The following HDAC4 variants were observed in gnomAD, a reference collection of about 807,000 sequenced individuals.
The protein encoded by HDAC4 is histone deacetylase 4.
In HDAC4, 16 loss-of-function variants were observed where a neutral mutation model predicts 135.1. That is an observed-to-expected ratio of 0.12 (90% CI 0.08 to 0.18). The LOEUF is 0.18. HDAC4 is among the 10% of genes least tolerant of loss of function. The probability of loss-of-function intolerance (pLI) is 1.00; values close to 1 mark genes in which losing one functional copy is unlikely to be tolerated. For missense variants in HDAC4, 1,143 were observed against 1,511.8 expected (o/e 0.76, Z 4.05); for synonymous variants, 685 against 653.4 (o/e 1.05, Z -0.74).
At chr2:239,266,252 G>A (rs1237603306) in intron 2 of HDAC4, among the ~76,000 whole-genome samples, 3 of 152,188 alleles carry the variant, frequency 2.0e-5, no homozygotes, top group Non-Finnish European at 4.4e-5. Context: ...TAGCAGAGCC[G>A]CTAGGTGGGA....
intron 3 of HDAC4, among the ~76,000 whole-genome samples, chr2:239,222,680 C>A (rs1275089585): frequency 2.0e-5 from 3 of 152,154 alleles, no homozygotes; most frequent in African/African-American, 7.2e-5. Context: ...ACAAAGCATT[C>A]CTGGAAAATC....
At chr2:239,154,139 G>A (rs781557071) in intron 7 of HDAC4, among the ~76,000 whole-genome samples, 1 of 152,166 alleles carries the variant, frequency 6.6e-6, no homozygotes, top group Non-Finnish European at 1.5e-5. Context: ...GGCCTGATGG[G>A]ATGGGTGGTG....
chr2:239,343,106 C>T (rs1317806486), intron 2 of HDAC4, among the ~76,000 whole-genome samples: 1 of 152,232 alleles, frequency 6.6e-6, no homozygotes, highest in Non-Finnish European at 1.5e-5. Flanking sequence ...TGGCTGAAAG[C>T]AAACCAGTTT....
At position 239,144,727 on chromosome 2, in the gene HDAC4, G is replaced by C; in HGVS notation, c.734-13C>G. On this transcript the variant is annotated splice_polypyrimidine_tract_variant and intron_variant, in intron 7 of 26. Coordinates refer to ENST00000543185, the MANE Select transcript of HDAC4 (RefSeq NM_001378414.1). The stretch of plus-strand genomic sequence containing the variant: ...TTCGGTTCAGAAGCTGCACAAAAAG[G>C]AGATGTCATTACAGCCAGGCAGACA... 6.2e-7 allele frequency: 1 copy of C among 1,614,052 alleles called. No homozygotes were observed. The highest frequency in any genetic ancestry group is 8.5e-7 in the Non-Finnish European group (1 of 1,179,938).
chr2:239,176,677 C>T (rs534005420), intron 4 of HDAC4, 114 bp from the exon 5 acceptor site: 2 of 929,734 alleles, frequency 2.2e-6, no homozygotes, highest in East Asian at 5.2e-5. Flanking sequence ...CTGGTGTGGC[C>T]CTGGGCACTG....
intron 17 of HDAC4, chr2:239,091,891 T>C (rs1396510897): frequency 7.4e-6 from 1 of 135,870 alleles, no homozygotes; most frequent in African/African-American, 2.9e-5. Flanking sequence ...AAACCCCGTC[T>C]CTACTAAAAA....
At chr2:239,104,009 G>A (rs1462221474) in intron 15 of HDAC4, among the ~76,000 whole-genome samples, 1 of 152,208 alleles carries the variant, frequency 6.6e-6, no homozygotes, top group Non-Finnish European at 1.5e-5. Context: ...CACAAAACCG[G>A]GCTTCCTCTA....
chr2:239,296,311 G>C (rs1157706317), intron 2 of HDAC4, among the ~76,000 whole-genome samples: 1 of 152,252 alleles, frequency 6.6e-6, no homozygotes, highest in Non-Finnish European at 1.5e-5. Flanking sequence ...ACTCTGCCCA[G>C]AAGGAGGCCA....
intron 22 of HDAC4, among the ~76,000 whole-genome samples, chr2:239,074,580 C>T (rs947038734): frequency 1.3e-5 from 2 of 152,232 alleles, no homozygotes; most frequent in Middle Eastern, 3.2e-3. Flanking sequence ...GGGGCACAGT[C>T]GGATGCACGT....
chr2:239,199,071 T>C (rs1288547719), intron 3 of HDAC4, among the ~76,000 whole-genome samples: 1 of 151,402 alleles, frequency 6.6e-6, no homozygotes, highest in Non-Finnish European at 1.5e-5. Flanking sequence ...AGCTGATGTA[T>C]CTTTTAAGAC....
At chr2:239,163,625 G>A (rs1198635936) in intron 6 of HDAC4, among the ~76,000 whole-genome samples, 178 bp downstream of exon 6, 3 of 152,116 alleles carry the variant, frequency 2.0e-5, no homozygotes, top group Non-Finnish European at 2.9e-5. Flanking sequence ...GCTGCCGCAC[G>A]AGTGTACCCC....
chr2:239,346,862 A>C, intron 2 of HDAC4, among the ~76,000 whole-genome samples: 1 of 126,786 alleles, frequency 7.9e-6, no homozygotes, highest in Non-Finnish European at 1.7e-5. Context: ...CACACACCCT[A>C]TCTAAAACAC....
chr2:239,109,537 A>G (rs1330017291), intron 14 of HDAC4, among the ~76,000 whole-genome samples: 1 of 152,010 alleles, frequency 6.6e-6, no homozygotes, highest in Non-Finnish European at 1.5e-5. Context: ...TCAGGCTAAC[A>G]GGAGTCAGTC....
chr2:239,358,257 T>C (rs989467014), intron 1 of HDAC4, among the ~76,000 whole-genome samples: 2 of 152,224 alleles, frequency 1.3e-5, no homozygotes, highest in Non-Finnish European at 2.9e-5. Context: ...TCTGCTTCCG[T>C]TCGTGTGGAC....
At chr2:239,152,963 T>A (rs1416856043) in intron 7 of HDAC4, among the ~76,000 whole-genome samples, 1 of 152,226 alleles carries the variant, frequency 6.6e-6, no homozygotes, top group Non-Finnish European at 1.5e-5. Context: ...TAAAGGTACA[T>A]TTCACAGATG....
chr2:239,220,337 TGTAA>T (rs1198471398), intron 3 of HDAC4, among the ~76,000 whole-genome samples: 2 of 152,194 alleles, frequency 1.3e-5, no homozygotes, highest in Non-Finnish European at 2.9e-5. Flanking sequence ...GCTGCCTACA[TGTAA>T]GTAACTACAA....
intron 3 of HDAC4, among the ~76,000 whole-genome samples, chr2:239,195,505 T>C (rs998991978): frequency 1.3e-5 from 2 of 152,198 alleles, no homozygotes; most frequent in Non-Finnish European, 2.9e-5. Context: ...GCTGCAGAGA[T>C]GAGAACCACA....
At chr2:239,153,687 T>C (rs2042250557) in intron 7 of HDAC4, among the ~76,000 whole-genome samples, 3 of 152,244 alleles carry the variant, frequency 2.0e-5, no homozygotes, top group Non-Finnish European at 2.9e-5. Context: ...CTAAATAACA[T>C]TTCCCGGAGT....
At chr2:239,227,960 C>T (rs2047337646) in intron 3 of HDAC4, among the ~76,000 whole-genome samples, 1 of 152,178 alleles carries the variant, frequency 6.6e-6, no homozygotes, top group African/African-American at 2.4e-5. Flanking sequence ...TTCAAGCCCT[C>T]CTGTTGTTAT....
Sources: gnomAD v4.1 joint callset for allele counts (sites outside exome capture counted in the v4.1 genomes callset) on GRCh38, gnomAD v4.1.1 for gene constraint, MANE v1.5 for transcripts, NCBI Gene and HGNC (gene_info 2026-07-23, HGNC 2026-07-21) for gene names.